The following ARB2A variants were observed in gnomAD, a reference collection of about 807,000 sequenced individuals.
ARB2A encodes the protein cotranscriptional regulator ARB2A.
At chr5:93,987,775 C>A in the ARB2A span, among the ~76,000 whole-genome samples, 1 of 152,078 alleles carries the variant, frequency 6.6e-6, no homozygotes, top group East Asian at 1.9e-4. Context: ...TGTATCCCAC[C>A]CTTTCTTCCC....
At chr5:94,101,772 C>T in the ARB2A span, among the ~76,000 whole-genome samples, 1 of 151,998 alleles carries the variant, frequency 6.6e-6, no homozygotes, top group South Asian at 2.1e-4. Context: ...AAAGGAACAA[C>T]AGACACTGGG....
chr5:93,649,839 T>C, the ARB2A span, among the ~76,000 whole-genome samples: 1 of 152,126 alleles, frequency 6.6e-6, no homozygotes, highest in Admixed American at 6.5e-5. Context: ...GTCCCAGTGT[T>C]TACCCTAAAG....
chr5:93,873,695 T>C, the ARB2A span, among the ~76,000 whole-genome samples: 1 of 152,196 alleles, frequency 6.6e-6, no homozygotes, highest in Non-Finnish European at 1.5e-5. Context: ...CCTTATTGAA[T>C]TGTTAGAAAA....
the ARB2A span, among the ~76,000 whole-genome samples, chr5:93,869,873 A>T: frequency 6.6e-6 from 1 of 152,226 alleles, no homozygotes; most frequent in Admixed American, 6.5e-5. Flanking sequence ...AGAACTAATG[A>T]TAATCCCACC....
At chr5:93,749,487 T>C in the ARB2A span, among the ~76,000 whole-genome samples, 1 of 152,186 alleles carries the variant, frequency 6.6e-6, no homozygotes, top group Non-Finnish European at 1.5e-5. Flanking sequence ...CTATGCAAAG[T>C]GAAGAATTAT....
the ARB2A span, among the ~76,000 whole-genome samples, chr5:93,773,707 T>G: frequency 6.6e-6 from 1 of 152,208 alleles, no homozygotes; most frequent in Non-Finnish European, 1.5e-5. Context: ...CAACAGCATG[T>G]GCTCACTTTG....
the ARB2A span, among the ~76,000 whole-genome samples, chr5:93,953,161 T>G: frequency 1.3e-5 from 2 of 152,180 alleles, no homozygotes; most frequent in Non-Finnish European, 1.5e-5. Flanking sequence ...GTGCATTGTT[T>G]AGTTCACCTG....
At chr5:93,715,403 T>A in the ARB2A span, among the ~76,000 whole-genome samples, 17 of 152,358 alleles carry the variant, frequency 1.1e-4, no homozygotes, top group Non-Finnish European at 2.4e-4. Context: ...TCATAACATG[T>A]GTTACTGCAG....
chr5:93,753,827 G>A, the ARB2A span, among the ~76,000 whole-genome samples: 2 of 152,124 alleles, frequency 1.3e-5, no homozygotes, highest in Non-Finnish European at 2.9e-5. Context: ...GGTATCAGGC[G>A]TTTAGACAAC....
chr5:93,913,614 C>A, the ARB2A span, among the ~76,000 whole-genome samples: 12 of 152,038 alleles, frequency 7.9e-5, no homozygotes, highest in Non-Finnish European at 1.8e-4. Context: ...ATTATTTGAG[C>A]ACTAACCATA....
chr5:93,630,099 A>C, the ARB2A span, among the ~76,000 whole-genome samples: 1 of 152,232 alleles, frequency 6.6e-6, no homozygotes, highest in Admixed American at 6.5e-5. Context: ...TCTAAAAAGA[A>C]ATAAAATATA....
chr5:94,106,078 G>T, the ARB2A span, among the ~76,000 whole-genome samples: 2 of 151,820 alleles, frequency 1.3e-5, no homozygotes, highest in South Asian at 4.1e-4. Flanking sequence ...CCCTGGCAAA[G>T]ATTTCATATG....
the ARB2A span, among the ~76,000 whole-genome samples, chr5:94,057,278 C>T: frequency 6.6e-6 from 1 of 152,140 alleles, no homozygotes; most frequent in Admixed American, 6.5e-5. Flanking sequence ...TAAGCTGACA[C>T]AGAAGGACAA....
At chr5:93,830,978 T>C in the ARB2A span, among the ~76,000 whole-genome samples, 8 of 152,250 alleles carry the variant, frequency 5.3e-5, no homozygotes, top group Admixed American at 3.3e-4. Flanking sequence ...TAGATTCTCA[T>C]AAGGAGCGCA....
chr5:93,852,296 G>C, the ARB2A span, among the ~76,000 whole-genome samples: 1 of 152,006 alleles, frequency 6.6e-6, no homozygotes, highest in Non-Finnish European at 1.5e-5. Context: ...CTTTTTGATG[G>C]GGTTGTTTGT....
At chr5:94,041,414 G>T in the ARB2A span, among the ~76,000 whole-genome samples, 19 of 151,952 alleles carry the variant, frequency 1.3e-4, no homozygotes, top group African/African-American at 4.6e-4. Context: ...CAGGTTTAGG[G>T]TCCAATTCCT....
At chr5:93,620,290 A>T in the ARB2A span, 1 of 152,212 alleles carries the variant, frequency 6.6e-6, no homozygotes, top group Non-Finnish European at 1.5e-5. Context: ...ATTAGCTGGC[A>T]AAAGGATTTT....
At chr5:93,818,529 A>C in the ARB2A span, among the ~76,000 whole-genome samples, 1 of 152,240 alleles carries the variant, frequency 6.6e-6, no homozygotes, top group African/African-American at 2.4e-5. Context: ...ATTATTAAAT[A>C]AAAGGTGAAG....
At chr5:93,806,646 A>C in the ARB2A span, among the ~76,000 whole-genome samples, 1 of 151,964 alleles carries the variant, frequency 6.6e-6, no homozygotes, top group Non-Finnish European at 1.5e-5. Flanking sequence ...AATTCGCTCC[A>C]GAGTTTTTAA....
Sources: gnomAD v4.1 joint callset for allele counts (sites outside exome capture counted in the v4.1 genomes callset) on GRCh38, gnomAD v4.1.1 for gene constraint, MANE v1.5 for transcripts, NCBI Gene and HGNC (gene_info 2026-07-23, HGNC 2026-07-21) for gene names.